LAMA2: variants seen among roughly 807,000 people sequenced by gnomAD.
LAMA2 encodes the protein laminin subunit alpha 2, also known as laminin subunit alpha-2.
Under a neutral mutation model 364.8 loss-of-function variants are expected in LAMA2, and 269 were observed. The observed-to-expected ratio is 0.74, with a 90% CI of 0.67 to 0.82. LAMA2 has a LOEUF of 0.82. Ranked by LOEUF, LAMA2 falls within the 40% of genes least tolerant of loss-of-function variation. The pLI, the probability that LAMA2 is intolerant of heterozygous loss-of-function variation, is 0.00. For synonymous variants in LAMA2, 1,379 were observed against 1,370.6 expected (o/e 1.01, Z -0.14); for missense variants, 3,807 against 3,873.2 (o/e 0.98, Z 0.45).
At chr6:129,289,851 TTGCC>T (rs1789570615) in intron 19 of LAMA2, among the ~76,000 whole-genome samples, 4 of 152,160 alleles carry the variant, frequency 2.6e-5, no homozygotes, top group African/African-American at 9.6e-5. Context: ...TTAATGCTCT[TTGCC>T]ATATAATCAC....
At chr6:129,070,181 C>T (rs1444191919) in intron 3 of LAMA2, among the ~76,000 whole-genome samples, 1 of 151,932 alleles carries the variant, frequency 6.6e-6, no homozygotes, top group Non-Finnish European at 1.5e-5. Context: ...GCAAATAGGC[C>T]CACTTCCTTA....
chr6:128,987,396 C>G (rs1582828346), intron 1 of LAMA2, among the ~76,000 whole-genome samples: 1 of 152,090 alleles, frequency 6.6e-6, no homozygotes, highest in South Asian at 2.1e-4. Flanking sequence ...CCGCCTCGGC[C>G]TCCCAAACTG....
chr6:129,108,368 G>C (rs1775954157), intron 4 of LAMA2, among the ~76,000 whole-genome samples: 1 of 151,764 alleles, frequency 6.6e-6, no homozygotes, highest in South Asian at 2.1e-4. Context: ...GTGACTTTTT[G>C]CATTACTTTT....
chr6:129,171,080 G>A (rs1046345942), intron 9 of LAMA2, among the ~76,000 whole-genome samples: 20 of 152,082 alleles, frequency 1.3e-4, no homozygotes, highest in Non-Finnish European at 2.4e-4. Context: ...CTGCACATGA[G>A]ATGGGTTTCC....
At chr6:129,316,705 G>T (rs899707753) in intron 27 of LAMA2, among the ~76,000 whole-genome samples, 2 of 152,126 alleles carry the variant, frequency 1.3e-5, no homozygotes, top group African/African-American at 2.4e-5. Context: ...CAATGTTGTC[G>T]AACCTACATG....
intron 40 of LAMA2, among the ~76,000 whole-genome samples, chr6:129,405,958 A>G (rs1780226855): frequency 6.6e-6 from 1 of 152,158 alleles, no homozygotes; most frequent in Admixed American, 6.5e-5. Context: ...AATGTTTTCA[A>G]TAACTTAAAA....
chr6:129,369,680 G>A (rs1777962229), intron 33 of LAMA2, among the ~76,000 whole-genome samples: 1 of 152,200 alleles, frequency 6.6e-6, no homozygotes, highest in Non-Finnish European at 1.5e-5. Context: ...CTGGCACATA[G>A]TAATTTCTCA....
chr6:129,256,659 G>A (rs1488638368), intron 14 of LAMA2, among the ~76,000 whole-genome samples: 1 of 150,860 alleles, frequency 6.6e-6, no homozygotes, highest in Non-Finnish European at 1.5e-5. Flanking sequence ...ATAAATAGCT[G>A]CAAAAGTATC....
chr6:129,036,397 A>G (rs1333306633), intron 1 of LAMA2, among the ~76,000 whole-genome samples: 1 of 152,160 alleles, frequency 6.6e-6, no homozygotes, highest in African/African-American at 2.4e-5. Context: ...TGACATTTGA[A>G]TCCATAGTGG....
At chr6:129,095,630 G>T (rs188804029) in intron 3 of LAMA2, among the ~76,000 whole-genome samples, 1 of 151,950 alleles carries the variant, frequency 6.6e-6, no homozygotes, top group East Asian at 1.9e-4. Flanking sequence ...GTACAAGCTG[G>T]CCGGGCACGG....
chr6:129,471,550 C>CTAT (rs1232464134), intron 51 of LAMA2, among the ~76,000 whole-genome samples: 1 of 151,894 alleles, frequency 6.6e-6, no homozygotes, highest in African/African-American at 2.4e-5. Context: ...TAGAAAGAGA[C>CTAT]TATTTTCATC....
At chr6:129,314,196 C>G (rs569678136) in intron 23 of LAMA2, among the ~76,000 whole-genome samples, 3 of 152,042 alleles carry the variant, frequency 2.0e-5, no homozygotes, top group South Asian at 2.1e-4. Flanking sequence ...GTCAGGAGAT[C>G]GAGACAATCC....
intron 8 of LAMA2, among the ~76,000 whole-genome samples, chr6:129,163,322 T>G (rs777107495): frequency 1.9e-4 from 29 of 152,244 alleles, no homozygotes; most frequent in Non-Finnish European, 4.3e-4. Context: ...TATCTTTAAT[T>G]TACTAGCTGA....
chr6:129,378,390 A>C (rs1778493148), intron 34 of LAMA2, among the ~76,000 whole-genome samples: 1 of 152,182 alleles, frequency 6.6e-6, no homozygotes, highest in Non-Finnish European at 1.5e-5. Flanking sequence ...CAGTGATACC[A>C]CTATCTATCA....
intron 37 of LAMA2, among the ~76,000 whole-genome samples, chr6:129,398,465 T>C (rs917432839): frequency 7.2e-6 from 1 of 138,016 alleles, no homozygotes; most frequent in African/African-American, 2.9e-5. Context: ...TTTCTTTCTT[T>C]TCTTTTCTTT....
At chr6:128,913,943 C>G (rs9492135) in intron 1 of LAMA2, among the ~76,000 whole-genome samples, 1,702 of 152,162 alleles carry the variant, frequency 0.011, 34 homozygotes, top group African/African-American at 0.039. Flanking sequence ...CAGCTATCCT[C>G]TTCTGCTGTG....
intron 53 of LAMA2, among the ~76,000 whole-genome samples, chr6:129,476,832 C>T (rs1029166658): frequency 4.6e-5 from 7 of 152,076 alleles, no homozygotes; most frequent in Non-Finnish European, 1.0e-4. Flanking sequence ...AAAAGAAAAC[C>T]TTGGGAACAA....
At chr6:129,154,407 C>G (rs1246826231) in intron 7 of LAMA2, 98 bp from the exon 8 acceptor site, 11 of 1,115,446 alleles carry the variant, frequency 9.9e-6, no homozygotes, top group Admixed American at 5.9e-5. Context: ...GAGTGAGACT[C>G]TGTCTCAAAA....
chr6:128,954,496 A>G (rs1427502170), intron 1 of LAMA2, among the ~76,000 whole-genome samples: 1 of 152,080 alleles, frequency 6.6e-6, no homozygotes, highest in Non-Finnish European at 1.5e-5. Flanking sequence ...GCATCAGCAG[A>G]CAATTGGTAA....
Sources: gnomAD v4.1 joint callset for allele counts (sites outside exome capture counted in the v4.1 genomes callset) on GRCh38, gnomAD v4.1.1 for gene constraint, MANE v1.5 for transcripts, NCBI Gene and HGNC (gene_info 2026-07-23, HGNC 2026-07-21) for gene names.